GNG7: variants seen among roughly 807,000 people sequenced by gnomAD.
GNG7 encodes guanine nucleotide-binding protein G(I)/G(S)/G(O) subunit gamma-7.
Under a neutral mutation model 4.0 loss-of-function variants are expected in GNG7, and 1 was observed. The observed-to-expected ratio is 0.25, with a 90% CI of 0.09 to 1.18. The LOEUF is 1.18. Among genes scored for constraint, GNG7 ranks in the 50% most tolerant of loss-of-function variants. The pLI is 0.50. For missense variants in GNG7, 86 were observed against 91.9 expected, an observed-to-expected ratio of 0.94 and a Z score of 0.26; for synonymous variants, 34 against 36.9, an observed-to-expected ratio of 0.92 and a Z score of 0.29.
chr19:2,588,491 G>A (rs1437441759), intron 2 of GNG7, among the ~76,000 whole-genome samples: 4 of 152,216 alleles, frequency 2.6e-5, no homozygotes, highest in South Asian at 4.1e-4. Flanking sequence ...CGGGCAGGGC[G>A]GTCAAAGGGC....
intron 3 of GNG7, among the ~76,000 whole-genome samples, chr19:2,522,502 C>G (rs56707334): frequency 6.6e-6 from 1 of 151,634 alleles, no homozygotes; most frequent in Non-Finnish European, 1.5e-5. Context: ...TGGCCGGGCG[C>G]GGTGGCTCAC....
rs548021577 is a variant in GNG7, at chr19:2,539,324, G to A, written c.-38+15825C>T. 7.1e-5 allele frequency among the ~76,000 whole-genome samples: 4 copies of A among 56,210 alleles called. No homozygotes were observed. In the South Asian group the frequency reaches 1.8e-3, roughly 26 times the overall value. 36.9% of individuals were successfully genotyped at this position (56,210 alleles called of 152,430 possible). On this transcript the variant is annotated intron_variant, in intron 3 of 4. Coordinates refer to ENST00000382159, the MANE Select transcript of GNG7 (RefSeq NM_052847.3). ...ATATACCAACTTTTTTTTTTTTTTT[G>A]GATGGTGTTTCCCTCTTGTCACCCA...
intron 2 of GNG7, among the ~76,000 whole-genome samples, chr19:2,570,633 G>T (rs533175770): frequency 1.3e-5 from 2 of 152,160 alleles, no homozygotes; most frequent in South Asian, 4.1e-4. Flanking sequence ...AGGAGCTTGA[G>T]AGAGACAGAC....
intron 1 of GNG7, among the ~76,000 whole-genome samples, chr19:2,648,672 C>A (rs1208785271): frequency 2.6e-5 from 4 of 152,168 alleles, no homozygotes; most frequent in African/African-American, 9.7e-5. Context: ...CCCTGGCACC[C>A]TTGGGCTCTG....
At chr19:2,532,412 G>A (rs1316356304) in intron 3 of GNG7, among the ~76,000 whole-genome samples, 2 of 152,138 alleles carry the variant, frequency 1.3e-5, no homozygotes, top group Non-Finnish European at 2.9e-5. Context: ...ACAGAACAGA[G>A]AAAAATATCC....
rs1050263039 is a variant in GNG7, at chr19:2,547,379, G to A, written c.-38+7770C>T. 6.6e-5 allele frequency among the ~76,000 whole-genome samples: 10 copies of A among 151,916 alleles called. 1 individual carries two copies. Among genetic ancestry groups the A allele is most frequent in the Non-Finnish European group, 1.2e-4 (8 of 67,958 alleles). On this transcript the variant is annotated intron_variant, in intron 3 of 4. Transcript: ENST00000382159. ...GGGGAGAATCTCTTTCCCGCCTTTC[G>A]CCTAGAGGTGCCCGTATCCCTCGGC...
intron 1 of GNG7, among the ~76,000 whole-genome samples, chr19:2,661,977 T>C (rs949858582): frequency 5.9e-5 from 9 of 152,026 alleles, no homozygotes; most frequent in Admixed American, 4.6e-4. Context: ...GCAATCAACA[T>C]GGCCAGGTGC....
intron 2 of GNG7, chr19:2,631,957 G>A (rs534970237): frequency 6.6e-6 from 1 of 152,384 alleles, no homozygotes; most frequent in East Asian, 1.9e-4. Flanking sequence ...AGCCAAGGCA[G>A]ACTACAGCAT....
rs549119050 is a variant in GNG7, at chr19:2,528,766, C to T, written c.-37-8041G>A. On this transcript the variant is annotated intron_variant, in intron 3 of 4. Coordinates refer to ENST00000382159, the MANE Select transcript of GNG7 (RefSeq NM_052847.3). ...CCTTCCCTCTCTGAGCCCCAGTGAC[C>T]TCTGTTGGAATTCTCAGAGGGACAC... 1.3e-4 allele frequency among the ~76,000 whole-genome samples: 20 copies of T among 152,284 alleles called. 1 individual carries two copies. In the South Asian group the frequency reaches 4.1e-3, roughly 32 times the overall value.
At chr19:2,586,520 A>C (rs914506685) in intron 2 of GNG7, among the ~76,000 whole-genome samples, 3 of 152,198 alleles carry the variant, frequency 2.0e-5, no homozygotes, top group Non-Finnish European at 2.9e-5. Context: ...TGAGGCTGAA[A>C]GGGAAGGATG....
intron 3 of GNG7, chr19:2,538,074 C>G (rs900379814): frequency 3.4e-6 from 1 of 293,524 alleles, no homozygotes; most frequent in Non-Finnish European, 6.4e-6. Flanking sequence ...AAGACTCTCT[C>G]TCAAACAAAA....
In GNG7 at chr19:2,626,079, C is replaced by T. The variant is rs1348829099; in HGVS notation, c.-78+20145G>A. Reference sequence around the variant, plus strand: ...CTGGGATGACAGGCGTGAGCCATGGCGCCCGGCCTGATTATTTCATTTACT... The same window carrying T: ...CTGGGATGACAGGCGTGAGCCATGGTGCCCGGCCTGATTATTTCATTTACT... On this transcript the variant is annotated intron_variant, in intron 2 of 4. Coordinates refer to ENST00000382159, the MANE Select transcript of GNG7 (RefSeq NM_052847.3). This position sits in a 1 kb window ranked among gnomAD's most constrained non-coding sequence, Gnocchi z 5.0. Among the ~76,000 whole-genome samples the T allele has an allele frequency of 1.3e-5, 2 of 152,178 alleles. No individual in the cohort carries two copies. Among genetic ancestry groups the T allele is most frequent in the South Asian group, 2.1e-4 (1 of 4,834 alleles).
chr19:2,545,884 G>A (rs1241392588), intron 3 of GNG7, among the ~76,000 whole-genome samples: 2 of 152,130 alleles, frequency 1.3e-5, no homozygotes, highest in South Asian at 2.1e-4. Context: ...GAACCCGGGA[G>A]GTAAAGGTTG....
At chr19:2,570,473 TG>T (rs1238932936) in intron 2 of GNG7, among the ~76,000 whole-genome samples, 27 of 152,228 alleles carry the variant, frequency 1.8e-4, no homozygotes, top group African/African-American at 5.8e-4. Flanking sequence ...CACATGTGGA[TG>T]GGGCCCGTGT....
chr19:2,638,807 C>T (rs1350402194), intron 2 of GNG7, among the ~76,000 whole-genome samples: 1 of 152,078 alleles, frequency 6.6e-6, no homozygotes. Flanking sequence ...GCCCCACTAG[C>T]ATAGTTAAAT....
intron 3 of GNG7, among the ~76,000 whole-genome samples, chr19:2,550,854 G>A (rs887270): frequency 0.65 from 98,992 of 152,026 alleles, 33,512 homozygotes; most frequent in East Asian, 0.83. Flanking sequence ...CACGGGAGAG[G>A]TATCTGCTGA....
chr19:2,571,477 C>T (rs1432438691), intron 2 of GNG7, among the ~76,000 whole-genome samples: 2 of 151,732 alleles, frequency 1.3e-5, no homozygotes, highest in Non-Finnish European at 2.9e-5. Flanking sequence ...GGTTAGGCCA[C>T]GTTGCATTTC....
At chr19:2,662,254 C>T (rs60736343) in intron 1 of GNG7, among the ~76,000 whole-genome samples, 50,292 of 128,692 alleles carry the variant, frequency 0.39, 9,082 homozygotes, top group East Asian at 0.62. Context: ...AGCGAGACTC[C>T]ATCTCAAAAA....
chr19:2,674,598 G>A (rs1428993404), intron 1 of GNG7, among the ~76,000 whole-genome samples: 1 of 152,110 alleles, frequency 6.6e-6, no homozygotes, highest in African/African-American at 2.4e-5. Flanking sequence ...ACCATGCCCG[G>A]CTAATTTTTG....
Sources: allele counts gnomAD v4.1 joint callset (sites outside exome capture counted in the v4.1 genomes callset), GRCh38; gene constraint gnomAD v4.1.1; non-coding constraint Gnocchi (gnomAD v3.1); transcripts MANE v1.5; gene names NCBI Gene and HGNC (gene_info 2026-07-23, HGNC 2026-07-21).